The following RAMP3 variants were observed in gnomAD, a reference collection of about 807,000 sequenced individuals.
RAMP3 encodes the protein receptor activity modifying protein 3, also known as receptor activity-modifying protein 3.
Under a neutral mutation model 13.5 loss-of-function variants are expected in RAMP3, and 14 were observed. The ratio of observed to expected loss-of-function variants is 1.04; its 90% CI spans 0.69 to 1.63. The LOEUF is 1.63. RAMP3 is among the 40% of genes most tolerant of loss of function. The pLI, the probability that RAMP3 is intolerant of heterozygous loss-of-function variation, is 0.00. For synonymous variants in RAMP3, 106 were observed against 88.3 expected (o/e 1.20, Z -1.12); for missense variants, 200 against 204.8 (o/e 0.98, Z 0.14).
At chr7:45,182,992 C>A (rs551948537) in intron 2 of RAMP3, among the ~76,000 whole-genome samples, 165 bp from the exon 3 acceptor site, 1 of 152,090 alleles carries the variant, frequency 6.6e-6, no homozygotes, top group Non-Finnish European at 1.5e-5. Flanking sequence ...GTCATGGGCA[C>A]AGATGACCCT....
At chr7:45,175,665 C>T (rs1786167873) in intron 1 of RAMP3, among the ~76,000 whole-genome samples, 1 of 152,202 alleles carries the variant, frequency 6.6e-6, no homozygotes, top group South Asian at 2.1e-4. Context: ...TTCCAGCTAA[C>T]ACCTGTCCTC....
At chr7:45,158,634 G>A (rs1281478050) in intron 1 of RAMP3, among the ~76,000 whole-genome samples, 2 of 152,076 alleles carry the variant, frequency 1.3e-5, no homozygotes, top group Non-Finnish European at 2.9e-5. Flanking sequence ...GAGGGCTGGG[G>A]TCCACTGAGT....
intron 2 of RAMP3, 59 bp from the exon 3 acceptor site, chr7:45,183,098 C>G: frequency 6.3e-7 from 1 of 1,592,008 alleles, no homozygotes; most frequent in Non-Finnish European, 8.5e-7. Flanking sequence ...GGCCTCAGGT[C>G]AGGGCAGGTG....
intron 1 of RAMP3, among the ~76,000 whole-genome samples, chr7:45,171,009 A>G (rs191977960): frequency 5.5e-4 from 84 of 151,666 alleles, no homozygotes; most frequent in African/African-American, 1.8e-3. Flanking sequence ...AAGTTTTGGT[A>G]TGTTGTGTCT....
At chr7:45,167,520 G>A (rs1340607096) in intron 1 of RAMP3, among the ~76,000 whole-genome samples, 1 of 150,264 alleles carries the variant, frequency 6.7e-6, no homozygotes, top group Non-Finnish European at 1.5e-5. Flanking sequence ...CATGTTGTAA[G>A]TTGTAAGATT....
intron 1 of RAMP3, among the ~76,000 whole-genome samples, chr7:45,168,274 T>A (rs1375932942): frequency 6.6e-6 from 1 of 151,740 alleles, no homozygotes; most frequent in Non-Finnish European, 1.5e-5. Flanking sequence ...TGGTGGCAGG[T>A]GCCTGTAATC....
At chr7:45,177,600 C>T (rs551283599) in intron 2 of RAMP3, among the ~76,000 whole-genome samples, 159 bp downstream of exon 2, 12 of 152,164 alleles carry the variant, frequency 7.9e-5, no homozygotes, top group African/African-American at 2.9e-4. Context: ...ATGTGCTGCC[C>T]CACACTTTGC....
intron 2 of RAMP3, among the ~76,000 whole-genome samples, 176 bp downstream of exon 2, chr7:45,177,617 C>A (rs1056135031): frequency 5.9e-5 from 9 of 152,164 alleles, no homozygotes; most frequent in African/African-American, 2.4e-5. Context: ...TTGCCCAGGG[C>A]CCCAACCACG....
chr7:45,171,080 T>C (rs561577877), intron 1 of RAMP3, among the ~76,000 whole-genome samples: 1 of 152,294 alleles, frequency 6.6e-6, no homozygotes, highest in East Asian at 1.9e-4. Context: ...CTTTGGCCTA[T>C]TGGTTATTTA....
chr7:45,163,656 A>G (rs1333820326), intron 1 of RAMP3: 1 of 985,318 alleles, frequency 1.0e-6, no homozygotes, highest in Non-Finnish European at 1.2e-6. Context: ...ACAATTATTA[A>G]CCAATGGAAA....
chr7:45,182,212 A>T (rs531886311), intron 2 of RAMP3, among the ~76,000 whole-genome samples: 2 of 151,980 alleles, frequency 1.3e-5, no homozygotes, highest in East Asian at 3.9e-4. Context: ...GACCCTTCAC[A>T]CTCCTGCATC....
In RAMP3 at chr7:45,157,820, C is replaced by T. The variant is rs963204214; in HGVS notation, c.-9C>T. The T allele has an allele frequency of 1.4e-5, 20 of 1,446,384 alleles. No homozygotes were observed. Among genetic ancestry groups the T allele is most frequent in the Admixed American group, 5.6e-5 (2 of 35,978 alleles). 89.6% of individuals were successfully genotyped at this position (1,446,384 alleles called of 1,614,324 possible). On this transcript the variant is annotated 5_prime_UTR_variant, in exon 1 of 3. Coordinates refer to ENST00000242249, the MANE Select transcript of RAMP3 (RefSeq NM_005856.3). ...GGACCGAGCGTGACCCAGCTGCGGC[C>T]GGCCAGCCATGGAGACTGGAGCGCT... is the stretch of plus-strand genomic sequence containing the variant.
intron 1 of RAMP3, 89 bp downstream of exon 1, chr7:45,157,975 C>G (rs1785792206): frequency 1.6e-6 from 2 of 1,213,546 alleles, no homozygotes; most frequent in Non-Finnish European, 2.1e-6. Context: ...GCACCTGCGC[C>G]GCGGTCCTTC....
intron 1 of RAMP3, among the ~76,000 whole-genome samples, chr7:45,173,839 G>A (rs1168056295): frequency 6.6e-6 from 1 of 152,216 alleles, no homozygotes; most frequent in Non-Finnish European, 1.5e-5. Flanking sequence ...TGCTTCAACT[G>A]CTACCATCCT....
chr7:45,163,867 G>T (rs1376952064), intron 1 of RAMP3: 1 of 985,416 alleles, frequency 1.0e-6, no homozygotes, highest in Non-Finnish European at 1.2e-6. Context: ...TGCAGAGATG[G>T]TATGGCTTCT....
chr7:45,163,539 G>A, intron 1 of RAMP3: 1 of 985,386 alleles, frequency 1.0e-6, no homozygotes, highest in Non-Finnish European at 1.2e-6. Flanking sequence ...GAGGGTCGTG[G>A]AGCAGCAGCT....
At chr7:45,163,002 G>A (rs1785893052) in intron 1 of RAMP3, among the ~76,000 whole-genome samples, 1 of 152,218 alleles carries the variant, frequency 6.6e-6, no homozygotes, top group Non-Finnish European at 1.5e-5. Flanking sequence ...AATCTACATT[G>A]CTTGAGGTCT....
At chr7:45,159,013 G>A (rs3823868) in intron 1 of RAMP3, among the ~76,000 whole-genome samples, 54,719 of 151,142 alleles carry the variant, frequency 0.36, 12,169 homozygotes, top group Admixed American at 0.48. Flanking sequence ...TATAGTGGAA[G>A]GAAGGTCCTC....
chr7:45,163,687 C>CT (rs1785906363), intron 1 of RAMP3: 17 of 985,388 alleles, frequency 1.7e-5, no homozygotes, highest in Non-Finnish European at 2.0e-5. Flanking sequence ...CAGAATCACT[C>CT]TTTTTTACAG....
Sources: allele counts gnomAD v4.1 joint callset (sites outside exome capture counted in the v4.1 genomes callset), GRCh38; gene constraint gnomAD v4.1.1; transcripts MANE v1.5; gene names NCBI Gene and HGNC (gene_info 2026-07-23, HGNC 2026-07-21).